The following SGCG variants were observed in gnomAD, a reference collection of about 807,000 sequenced individuals.
SGCG encodes gamma-sarcoglycan.
Under a neutral mutation model 29.3 loss-of-function variants are expected in SGCG, and 26 were observed. The ratio of observed to expected loss-of-function variants is 0.89; its 90% CI spans 0.65 to 1.23. SGCG has a LOEUF of 1.23. SGCG is among the 50% of genes most tolerant of loss of function. SGCG has a pLI of 0.00. For synonymous variants in SGCG, 145 were observed against 129.7 expected (o/e 1.12, Z -0.80); for missense variants, 353 against 356.0 (o/e 0.99, Z 0.07).
At chr13:23,271,257 TATC>T (rs900929313) in intron 4 of SGCG, among the ~76,000 whole-genome samples, 1 of 152,148 alleles carries the variant, frequency 6.6e-6, no homozygotes, top group Non-Finnish European at 1.5e-5. Flanking sequence ...ATGCCGTCAT[TATC>T]ATATACTAGA....
At position 23,299,009 on chromosome 13, in the gene SGCG, A is replaced by T. The variant is rs1200485575; in HGVS notation, c.578+3522A>T. 3.9e-5 allele frequency among the ~76,000 whole-genome samples: 6 copies of T among 152,164 alleles called. No homozygotes were observed. In the South Asian group the frequency reaches 8.3e-4, roughly 21 times the overall value. The stretch of plus-strand genomic sequence containing the variant: ...AACTAACATTCACTGAATGCTTTTG[A>T]CTGCCAGGAACTGTGCTCAGTGCTG... On this transcript the variant is annotated intron_variant, in intron 6 of 7. Coordinates refer to ENST00000218867, the MANE Select transcript of SGCG (RefSeq NM_000231.3).
upstream of SGCG, among the ~76,000 whole-genome samples, chr13:23,180,543 A>G (rs1326957662): frequency 6.6e-6 from 1 of 152,204 alleles, no homozygotes. Flanking sequence ...TGAGACTAGT[A>G]TATAGGTAAT....
upstream of SGCG, among the ~76,000 whole-genome samples, chr13:23,180,108 T>C (rs1389389505): frequency 2.0e-5 from 3 of 152,194 alleles, no homozygotes; most frequent in Non-Finnish European, 2.9e-5. Flanking sequence ...CTGCTTCTTA[T>C]ATTCAAGGTT....
intron 3 of SGCG, chr13:23,244,993 G>A (rs1423170014): frequency 6.6e-6 from 1 of 152,220 alleles, no homozygotes; most frequent in Non-Finnish European, 1.5e-5. Context: ...GAAGGGGACA[G>A]AGGCCCCAAA....
At chr13:23,223,204 G>C (rs1460257192) in intron 2 of SGCG, among the ~76,000 whole-genome samples, 1 of 147,934 alleles carries the variant, frequency 6.8e-6, no homozygotes, top group East Asian at 2.0e-4. Flanking sequence ...CATGAACCTG[G>C]AAGGCGGAGC....
intron 6 of SGCG, among the ~76,000 whole-genome samples, chr13:23,297,827 C>T (rs989292219): frequency 2.0e-5 from 3 of 151,762 alleles, no homozygotes; most frequent in African/African-American, 7.3e-5. Flanking sequence ...TTACTGCAAC[C>T]TCTGCCTCCC....
At chr13:23,300,384 A>T (rs1882105952) in intron 6 of SGCG, among the ~76,000 whole-genome samples, 1 of 152,200 alleles carries the variant, frequency 6.6e-6, no homozygotes, top group African/African-American at 2.4e-5. Context: ...ATACATAGAG[A>T]CTAGCTGCTG....
At chr13:23,310,004 C>T (rs182862787) in intron 6 of SGCG, among the ~76,000 whole-genome samples, 5 of 150,782 alleles carry the variant, frequency 3.3e-5, no homozygotes, top group Admixed American at 2.6e-4. Context: ...TGTATGTAAG[C>T]GGCTACTAGG....
intron 5 of SGCG, among the ~76,000 whole-genome samples, chr13:23,292,717 C>T (rs1278166819): frequency 2.0e-5 from 3 of 152,040 alleles, no homozygotes; most frequent in East Asian, 3.9e-4. Context: ...GCCCACATTC[C>T]TTTTGTTTTT....
intron 6 of SGCG, among the ~76,000 whole-genome samples, chr13:23,312,254 AAC>A: frequency 6.6e-6 from 1 of 152,338 alleles, no homozygotes; most frequent in Non-Finnish European, 1.5e-5. Flanking sequence ...GTGGAAATTC[AAC>A]ACAGTCTCTA....
the SGCG span, among the ~76,000 whole-genome samples, chr13:23,165,874 A>AT: frequency 6.6e-6 from 1 of 152,114 alleles, no homozygotes; most frequent in Non-Finnish European, 1.5e-5. Flanking sequence ...AAAGCAGTCA[A>AT]TTTTTATATA....
At chr13:23,278,486 T>C (rs1306448887) in intron 4 of SGCG, among the ~76,000 whole-genome samples, 1 of 151,242 alleles carries the variant, frequency 6.6e-6, no homozygotes, top group Non-Finnish European at 1.5e-5. Context: ...ATAAACAAAT[T>C]GGGGAACTCC....
At chr13:23,175,339 T>C in the SGCG span, among the ~76,000 whole-genome samples, 1 of 152,216 alleles carries the variant, frequency 6.6e-6, no homozygotes, top group African/African-American at 2.4e-5. Flanking sequence ...CAGGAGATTT[T>C]ATTCTAAGCC....
intron 3 of SGCG, among the ~76,000 whole-genome samples, chr13:23,248,114 A>G (rs1324688296): frequency 6.6e-6 from 1 of 151,632 alleles, no homozygotes; most frequent in Non-Finnish European, 1.5e-5. Context: ...GCCTCTAAAA[A>G]ACATTTTTTA....
chr13:23,220,922 G>C (rs1593180685), intron 2 of SGCG, among the ~76,000 whole-genome samples: 1 of 152,118 alleles, frequency 6.6e-6, no homozygotes, highest in Admixed American at 6.5e-5. Flanking sequence ...TAAATCCTAG[G>C]AATTCCCTGT....
At chr13:23,266,022 A>G in intron 4 of SGCG, among the ~76,000 whole-genome samples, 1 of 152,214 alleles carries the variant, frequency 6.6e-6, no homozygotes, top group East Asian at 1.9e-4. Context: ...CTAAATGCCC[A>G]TCAAACAATG....
intron 1 of SGCG, among the ~76,000 whole-genome samples, chr13:23,192,173 C>CA (rs1877294966): frequency 8.2e-6 from 1 of 121,974 alleles, no homozygotes; most frequent in Non-Finnish European, 1.9e-5. Context: ...AGACTGCGTC[C>CA]CAAAAAAAAA....
At chr13:23,316,609 T>C (rs541445841) in intron 6 of SGCG, among the ~76,000 whole-genome samples, 13 of 152,128 alleles carry the variant, frequency 8.5e-5, no homozygotes, top group Admixed American at 3.3e-4. Context: ...GTACTGTTTC[T>C]CCCATAGCCA....
chr13:23,212,300 G>C (rs1456116638), intron 2 of SGCG, among the ~76,000 whole-genome samples: 1 of 152,216 alleles, frequency 6.6e-6, no homozygotes. Flanking sequence ...TTCTTGCTGA[G>C]GTTATCTTGA....
Sources: allele counts gnomAD v4.1 joint callset (sites outside exome capture counted in the v4.1 genomes callset), GRCh38; gene constraint gnomAD v4.1.1; transcripts MANE v1.5; gene names NCBI Gene and HGNC (gene_info 2026-07-23, HGNC 2026-07-21).